R3HCC1L: variants seen among roughly 807,000 people sequenced by gnomAD.
R3HCC1L encodes R3H domain and coiled-coil containing 1 like.
A neutral mutation model predicts 59.9 loss-of-function variants in R3HCC1L; 51 were observed. That is an observed-to-expected ratio of 0.85 (90% confidence interval 0.68 to 1.07). The LOEUF (loss-of-function observed/expected upper bound fraction) is 1.07, where lower values mean the gene tolerates loss of function less well. Ranked by LOEUF, R3HCC1L falls within the 50% of genes least tolerant of loss-of-function variation. R3HCC1L has a pLI of 0.00. For synonymous variants in R3HCC1L, 322 were observed against 315.2 expected (o/e 1.02, Z -0.23); for missense variants, 965 against 933.0 (o/e 1.03, Z -0.45).
At chr10:98,210,924 A>T (rs1448139748) in intron 5 of R3HCC1L, among the ~76,000 whole-genome samples, 1 of 152,216 alleles carries the variant, frequency 6.6e-6, no homozygotes, top group Admixed American at 6.5e-5. Context: ...GCCACATAAT[A>T]CTGAAGAGGG....
In R3HCC1L at chr10:98,234,437, G is replaced by A; in HGVS notation, c.1962-9G>A. The A allele has an allele frequency of 1.2e-6, 2 of 1,610,202 alleles. No homozygotes were observed. Among genetic ancestry groups the A allele is most frequent in the South Asian group, 1.1e-5 (1 of 90,530 alleles). On this transcript the variant is annotated splice_polypyrimidine_tract_variant and intron_variant, in intron 6 of 9. Transcript: ENST00000298999. ...TTTTAGGAAATAAAATTGTTTTTTT[G>A]TGTTGCAGAAAGAAAGGATTTGATA...
intron 9 of R3HCC1L, among the ~76,000 whole-genome samples, chr10:98,237,800 A>T (rs1000941376): frequency 6.6e-6 from 1 of 152,112 alleles, no homozygotes; most frequent in Admixed American, 6.5e-5. Context: ...TCTTTCTGGC[A>T]TCTTTCTGTG....
chr10:98,162,668 GTGTT>G (rs777956479), intron 2 of R3HCC1L, among the ~76,000 whole-genome samples: 57 of 150,210 alleles, frequency 3.8e-4, no homozygotes, highest in Admixed American at 3.9e-4. Flanking sequence ...TCGTGTGTGT[GTGTT>G]TGTGTGTGTG....
intron 1 of R3HCC1L, among the ~76,000 whole-genome samples, chr10:98,151,509 C>T (rs1846154148): frequency 6.6e-6 from 1 of 152,152 alleles, no homozygotes; most frequent in African/African-American, 2.4e-5. Context: ...TTGTTTCTAC[C>T]ACCACTTTGT....
chr10:98,194,254 G>A (rs548734796), intron 4 of R3HCC1L, among the ~76,000 whole-genome samples: 129 of 152,154 alleles, frequency 8.5e-4, no homozygotes, highest in African/African-American at 2.8e-3. Flanking sequence ...TCAATAAATC[G>A]TGTTGGGAAA....
intron 1 of R3HCC1L, among the ~76,000 whole-genome samples, chr10:98,153,469 C>G (rs2134053429): frequency 6.6e-6 from 1 of 152,238 alleles, no homozygotes; most frequent in African/African-American, 2.4e-5. Flanking sequence ...GGGACACAAA[C>G]ACTGCGGAAG....
intron 1 of R3HCC1L, among the ~76,000 whole-genome samples, chr10:98,137,139 A>T (rs1459490402): frequency 6.6e-6 from 1 of 151,260 alleles, no homozygotes; most frequent in East Asian, 1.9e-4. Context: ...TGAACTCGGG[A>T]GGCTGAGGTT....
chr10:98,156,422 G>A (rs1590448013), intron 2 of R3HCC1L, among the ~76,000 whole-genome samples: 1 of 152,086 alleles, frequency 6.6e-6, no homozygotes, highest in Admixed American at 6.6e-5. Flanking sequence ...CCATTCGCTG[G>A]TATTCCTTCA....
At chr10:98,192,987 A>G (rs1234535893) in intron 4 of R3HCC1L, among the ~76,000 whole-genome samples, 2 of 152,220 alleles carry the variant, frequency 1.3e-5, no homozygotes, top group Admixed American at 1.3e-4. Flanking sequence ...ATGAAAATCA[A>G]TAAATATAGA....
At position 98,231,565 on chromosome 10, in the gene R3HCC1L, C is replaced by CTA. The variant is rs1467071991; in HGVS notation, c.1840_1841dup (p.Asn615ThrfsTer56). On this transcript the variant is annotated frameshift_variant, in exon 6 of 10. Coordinates refer to ENST00000298999, the MANE Select transcript of R3HCC1L (RefSeq NM_001351015.2). LOFTEE classifies it high-confidence loss of function. Reference sequence around the variant, plus strand: ...GCATCCAGGAACCTAGATCTGATTACTACAATCATGAAGTTCCTGATATTG... The same window carrying CTA: ...GCATCCAGGAACCTAGATCTGATTACTATACAATCATGAAGTTCCTGATATTG... 1.2e-6 allele frequency: 2 copies of CTA among 1,613,026 alleles called. No individual in the cohort carries two copies. Among genetic ancestry groups the CTA allele is most frequent in the African/African-American group, 2.7e-5 (2 of 74,896 alleles).
At chr10:98,174,531 G>T in intron 4 of R3HCC1L, 1 of 906,210 alleles carries the variant, frequency 1.1e-6, no homozygotes, top group South Asian at 5.1e-5. Context: ...TGAAACAGTT[G>T]AATAAGAATA....
chr10:98,175,395 G>A (rs1051328777), intron 4 of R3HCC1L, among the ~76,000 whole-genome samples: 3 of 152,074 alleles, frequency 2.0e-5, no homozygotes, highest in Non-Finnish European at 4.4e-5. Flanking sequence ...ATGCAGTTGT[G>A]TAACTCCCAC....
At chr10:98,207,612 A>G (rs1023308357) in intron 4 of R3HCC1L, among the ~76,000 whole-genome samples, 4 of 152,176 alleles carry the variant, frequency 2.6e-5, no homozygotes, top group Admixed American at 2.6e-4. Context: ...GCATTCTCTG[A>G]TAAGTCATTT....
rs764428816 is a variant in R3HCC1L, at chr10:98,208,312, G to A, written c.198G>A (p.Pro66=). Residue 66 remains proline (P), a synonymous_variant, in exon 5 of 10, where the codon CCG becomes CCA. Coordinates refer to ENST00000298999, the MANE Select transcript of R3HCC1L (RefSeq NM_001351015.2). ...AAAAAGAAGTCTTTAAAGACAAACC[G>A]GAGGCTCGAAGACTAAATATCAATC... The part of the protein sequence containing the change: ...LSQKEVFKDK[P]EARRLNINPD... 28 of 1,613,926 alleles carry A rather than the reference G, an allele frequency of 1.7e-5. No homozygotes were observed. Among genetic ancestry groups the A allele is most frequent in the East Asian group, 2.2e-5 (1 of 44,882 alleles).
intron 4 of R3HCC1L, among the ~76,000 whole-genome samples, chr10:98,177,491 A>G (rs551543832): frequency 6.6e-6 from 1 of 152,340 alleles, no homozygotes; most frequent in East Asian, 1.9e-4. Flanking sequence ...CAATAAACAT[A>G]TGTATGCATG....
intron 5 of R3HCC1L, among the ~76,000 whole-genome samples, chr10:98,222,786 C>T (rs1293298889): frequency 1.1e-4 from 16 of 151,636 alleles, no homozygotes; most frequent in Non-Finnish European, 1.5e-4. Context: ...ATTGATAGAC[C>T]GCTAGCAAGA....
chr10:98,162,121 A>G (rs755549847), intron 2 of R3HCC1L, among the ~76,000 whole-genome samples: 1 of 151,956 alleles, frequency 6.6e-6, no homozygotes, highest in Non-Finnish European at 1.5e-5. Flanking sequence ...TTTCAGCTCA[A>G]TAATATGCCT....
At chr10:98,178,604 AGTCATTG>A (rs1849292683) in intron 4 of R3HCC1L, among the ~76,000 whole-genome samples, 1 of 152,182 alleles carries the variant, frequency 6.6e-6, no homozygotes, top group South Asian at 2.1e-4. Flanking sequence ...CTGTGAAGAA[AGTCATTG>A]GTAGCTTGAT....
At chr10:98,160,527 GC>G (rs1407843478) in intron 2 of R3HCC1L, among the ~76,000 whole-genome samples, 1 of 152,156 alleles carries the variant, frequency 6.6e-6, no homozygotes. Context: ...ATTAGAATGT[GC>G]TGATATAAAA....
Sources: allele counts gnomAD v4.1 joint callset (sites outside exome capture counted in the v4.1 genomes callset), GRCh38; gene constraint gnomAD v4.1.1; transcripts MANE v1.5; gene names NCBI Gene and HGNC (gene_info 2026-07-23, HGNC 2026-07-21).